The following SLC24A2 variants were observed in gnomAD, a reference collection of about 807,000 sequenced individuals.
SLC24A2 encodes the protein solute carrier family 24 member 2.
Under a neutral mutation model 62.0 loss-of-function variants are expected in SLC24A2, and 36 were observed. The ratio of observed to expected loss-of-function variants is 0.58; its 90% CI spans 0.44 to 0.77. The LOEUF (loss-of-function observed/expected upper bound fraction) is 0.77, where lower values mean the gene tolerates loss of function less well. Among genes scored for constraint, SLC24A2 ranks in the 30% least tolerant of loss-of-function variants. The pLI, the probability that SLC24A2 is intolerant of heterozygous loss-of-function variation, is 0.00. For missense variants in SLC24A2, 846 were observed against 817.9 expected, an observed-to-expected ratio of 1.03 and a Z score of -0.42; for synonymous variants, 358 against 294.0, an observed-to-expected ratio of 1.22 and a Z score of -2.23.
At chr9:19,517,883 G>T (rs537932562) in intron 10 of SLC24A2, among the ~76,000 whole-genome samples, 1 of 147,128 alleles carries the variant, frequency 6.8e-6, no homozygotes, top group East Asian at 2.0e-4. Flanking sequence ...TGTGAAGAAA[G>T]ACCAAAACCC....
chr9:20,087,391 T>A, the SLC24A2 span, among the ~76,000 whole-genome samples: 5 of 152,178 alleles, frequency 3.3e-5, no homozygotes, highest in South Asian at 1.0e-3. Context: ...CTAAATGATA[T>A]GGTTTTCAAG....
intron 7 of SLC24A2, among the ~76,000 whole-genome samples, chr9:19,566,663 A>G (rs1472750023): frequency 1.3e-5 from 2 of 152,306 alleles, no homozygotes; most frequent in East Asian, 1.9e-4. Flanking sequence ...ACATGCACGT[A>G]TGTTTATTGT....
chr9:19,681,263 C>G (rs1819714831), intron 2 of SLC24A2, among the ~76,000 whole-genome samples: 1 of 152,112 alleles, frequency 6.6e-6, no homozygotes, highest in African/African-American at 2.4e-5. Context: ...ACATAGATCT[C>G]TGTTATCTCC....
the SLC24A2 span, among the ~76,000 whole-genome samples, chr9:20,078,953 G>A: frequency 6.6e-6 from 1 of 152,290 alleles, no homozygotes; most frequent in East Asian, 1.9e-4. Context: ...TTTTGTAGTG[G>A]ATTGAATGGT....
the SLC24A2 span, among the ~76,000 whole-genome samples, chr9:19,815,955 GC>G: frequency 1.2e-4 from 12 of 100,068 alleles, no homozygotes; most frequent in African/African-American, 3.5e-4. Flanking sequence ...TGTATTTTTT[GC>G]CCCTTTTTTT....
chr9:19,604,340 G>A (rs1459978218), intron 4 of SLC24A2, among the ~76,000 whole-genome samples: 1 of 152,128 alleles, frequency 6.6e-6, no homozygotes, highest in Non-Finnish European at 1.5e-5. Flanking sequence ...GCCATCAGGA[G>A]AGTCCTCAGC....
chr9:20,022,394 T>G, the SLC24A2 span, among the ~76,000 whole-genome samples: 10 of 152,178 alleles, frequency 6.6e-5, no homozygotes, highest in East Asian at 1.9e-4. Flanking sequence ...CTAACCAAAG[T>G]TGATAAATTA....
At chr9:20,058,196 T>C in the SLC24A2 span, among the ~76,000 whole-genome samples, 2 of 152,114 alleles carry the variant, frequency 1.3e-5, no homozygotes, top group Admixed American at 6.5e-5. Context: ...ATGGTTTGGC[T>C]GTGGAGTACA....
chr9:19,774,941 C>G (rs1281580508), intron 2 of SLC24A2, among the ~76,000 whole-genome samples: 2 of 152,194 alleles, frequency 1.3e-5, no homozygotes, highest in African/African-American at 4.8e-5. Flanking sequence ...CAGAGAAACA[C>G]AGAGTTATCA....
At chr9:20,298,356 G>C in the SLC24A2 span, among the ~76,000 whole-genome samples, 4 of 152,102 alleles carry the variant, frequency 2.6e-5, no homozygotes, top group African/African-American at 9.7e-5. Flanking sequence ...GGCCTCCCAA[G>C]TAGCCAGGAT....
the SLC24A2 span, among the ~76,000 whole-genome samples, chr9:20,291,986 C>G: frequency 2.6e-5 from 4 of 152,070 alleles, no homozygotes; most frequent in African/African-American, 9.7e-5. Context: ...AATATGGAGA[C>G]TAGAAAGGGT....
the SLC24A2 span, among the ~76,000 whole-genome samples, chr9:20,079,576 C>G: frequency 6.6e-6 from 1 of 152,162 alleles, no homozygotes; most frequent in Non-Finnish European, 1.5e-5. Flanking sequence ...TAGTTTGTTT[C>G]TGTTATTTTG....
the SLC24A2 span, among the ~76,000 whole-genome samples, chr9:20,057,517 A>G: frequency 2.2e-4 from 34 of 152,326 alleles, no homozygotes; most frequent in Non-Finnish European, 4.1e-4. Flanking sequence ...AGAAAACTCC[A>G]CTTGCTTACA....
At chr9:19,517,623 G>C (rs929941073) in intron 10 of SLC24A2, among the ~76,000 whole-genome samples, 5 of 152,228 alleles carry the variant, frequency 3.3e-5, no homozygotes, top group African/African-American at 1.2e-4. Context: ...TGCCTTGTGG[G>C]GATCAATACC....
intron 10 of SLC24A2, among the ~76,000 whole-genome samples, chr9:19,519,377 A>G (rs1051829252): frequency 9.1e-5 from 12 of 131,374 alleles, no homozygotes; most frequent in South Asian, 5.2e-4. Flanking sequence ...GTGTGTGTGT[A>G]TGTATACAAC....
the SLC24A2 span, among the ~76,000 whole-genome samples, chr9:20,069,627 A>G: frequency 6.6e-6 from 1 of 152,154 alleles, no homozygotes; most frequent in Middle Eastern, 3.2e-3. Flanking sequence ...TATGGTAATA[A>G]TTAGTTTCTT....
the SLC24A2 span, among the ~76,000 whole-genome samples, chr9:20,271,665 C>T: frequency 6.6e-6 from 1 of 152,122 alleles, no homozygotes. Context: ...GAGACTGACA[C>T]AGATGTTGAA....
the SLC24A2 span, among the ~76,000 whole-genome samples, chr9:19,950,954 T>A: frequency 6.6e-6 from 1 of 152,194 alleles, no homozygotes; most frequent in Admixed American, 6.5e-5. Context: ...GAAATCTGTA[T>A]TCCAAAGCAA....
At chr9:19,559,888 A>G (rs1404607856) in intron 7 of SLC24A2, among the ~76,000 whole-genome samples, 2 of 152,208 alleles carry the variant, frequency 1.3e-5, no homozygotes, top group African/African-American at 4.8e-5. Flanking sequence ...AGAACATTAT[A>G]CTTGAAATTG....
Sources: allele counts gnomAD v4.1 joint callset (sites outside exome capture counted in the v4.1 genomes callset), GRCh38; gene constraint gnomAD v4.1.1; transcripts MANE v1.5; gene names NCBI Gene and HGNC (gene_info 2026-07-23, HGNC 2026-07-21).